The following DNAH17 variants were observed in gnomAD, a reference collection of about 807,000 sequenced individuals.
DNAH17 encodes dynein axonemal heavy chain 17, also known as axonemal beta dynein heavy chain 17.
A neutral mutation model predicts 485.6 loss-of-function variants in DNAH17; 376 were observed. That is an observed-to-expected ratio of 0.77 (90% CI 0.71 to 0.84). The LOEUF (loss-of-function observed/expected upper bound fraction) is 0.84, where lower values mean the gene tolerates loss of function less well. DNAH17 is among the 40% of genes least tolerant of loss of function. The probability of loss-of-function intolerance (pLI) is 0.00; values close to 1 mark genes in which losing one functional copy is unlikely to be tolerated. For synonymous variants in DNAH17, 3,031 were observed against 2,405.9 expected (o/e 1.26, Z -7.60); for missense variants, 6,370 against 5,839.3 (o/e 1.09, Z -2.96).
chr17:78,536,871 G>A (rs1020732055), intron 19 of DNAH17, among the ~76,000 whole-genome samples: 3 of 151,910 alleles, frequency 2.0e-5, no homozygotes, highest in Admixed American at 6.6e-5. Context: ...GAGGTCACAC[G>A]ATGTCATTTA....
intron 72 of DNAH17, among the ~76,000 whole-genome samples, chr17:78,439,762 C>T (rs1268392807): frequency 6.6e-5 from 10 of 151,276 alleles, no homozygotes; most frequent in African/African-American, 9.7e-5. Flanking sequence ...CTCCACCTCC[C>T]GGGTTCAAGT....
rs371244211 is a variant in DNAH17 at position 78,572,741 on chromosome 17, G to A, written c.499C>T (p.His167Tyr). ...KGKTLLPIPE[H>Y]LGSLDGTLES... ...AGCGTGCCATCCAGGCTGCCCAGGT[G>A]CTCCGGAATAGGCAGCAAGGTTTTG... Residue 167 changes from histidine (H) to tyrosine (Y), a missense_variant, in exon 3 of 81, where the codon CAC (histidine) becomes TAC (tyrosine). Physicochemically the swap from His to Tyr is moderately conservative, Grantham distance 83. Coordinates refer to ENST00000389840, the MANE Select transcript of DNAH17 (RefSeq NM_173628.4). 3.7e-5 allele frequency: 60 copies of A among 1,612,008 alleles called. No homozygotes were observed. The East Asian group carries it at 6.0e-4, about 16-fold the overall frequency.
At position 78,539,854 on chromosome 17, in the gene DNAH17, G is replaced by T. The variant is rs746698910; in HGVS notation, c.2559C>A (p.Asp853Glu). 6.2e-7 allele frequency: 1 copy of T among 1,606,496 alleles called. No homozygotes were observed. Among genetic ancestry groups the T allele is most frequent in the African/African-American group, 1.3e-5 (1 of 74,654 alleles). ...VAENAELFRA[D>E]TLSLPWKDYV... ...AATCCTTCCAGGGCAGGCTCAGTGT[G>T]TCTGCCCTGAATAGTTCTGCGTTTT... is the stretch of plus-strand genomic sequence containing the variant. Residue 853 changes from aspartate (D) to glutamate (E), a missense_variant, in exon 18 of 81, where the codon GAC (aspartate) becomes GAA (glutamate). Coordinates refer to ENST00000389840, the MANE Select transcript of DNAH17 (RefSeq NM_173628.4).
chr17:78,484,859 C>A lies in DNAH17; in HGVS notation c.7649+9G>T. ...CCACGCCTTCCCCTCCGGCCCCGCC[C>A]CGTCTAACCAGTGCCGGTGGTCCAT... On this transcript the variant is annotated intron_variant, in intron 48 of 80. Transcript: ENST00000389840. The A allele has an allele frequency of 6.5e-7, 1 of 1,537,596 alleles. No homozygotes were observed. The highest frequency in any genetic ancestry group is 1.2e-5 in the South Asian group (1 of 82,454).
chr17:78,483,417 G>C (rs535360592), intron 48 of DNAH17, among the ~76,000 whole-genome samples: 1 of 152,156 alleles, frequency 6.6e-6, no homozygotes, highest in Non-Finnish European at 1.5e-5. Flanking sequence ...ATCACCTGAG[G>C]TCAGGAGTTA....
chr17:78,513,475 A>G (rs2090691734), intron 26 of DNAH17, among the ~76,000 whole-genome samples: 1 of 152,138 alleles, frequency 6.6e-6, no homozygotes, highest in East Asian at 1.9e-4. Context: ...TCACTCTGTC[A>G]CCCAGGCTAG....
rs368706569 is a variant in DNAH17 at position 78,442,616 on chromosome 17, T to C, written c.11529-1417A>G. 5.3e-5 allele frequency among the ~76,000 whole-genome samples: 8 copies of C among 152,196 alleles called. 1 individual carries two copies. In the East Asian group the frequency reaches 5.8e-4, roughly 11 times the overall value. Reference sequence around the variant, plus strand: ...TCATCGGCTGTGGATGAATTAATGATGCAGAAGCATGCAGGCTGGGTTCGT... The same window carrying C: ...TCATCGGCTGTGGATGAATTAATGACGCAGAAGCATGCAGGCTGGGTTCGT... On this transcript the variant is annotated intron_variant, in intron 71 of 80. Transcript: ENST00000389840.
At position 78,494,829 on chromosome 17, in the gene DNAH17, A is replaced by G. The variant is rs2090006909; in HGVS notation, c.6043-9T>C. ...CCCCAGTCGTAATGATCCTGCGGGCAGTGGGCACAGGTGGGCAGACGTGAG... is the reference window on the plus strand; with the variant it reads ...CCCCAGTCGTAATGATCCTGCGGGCGGTGGGCACAGGTGGGCAGACGTGAG... On this transcript the variant is annotated splice_polypyrimidine_tract_variant and intron_variant, in intron 39 of 80. Transcript: ENST00000389840. 1 of 1,595,540 alleles carries G rather than the reference A, an allele frequency of 6.3e-7. No individual in the cohort carries two copies. The highest frequency in any genetic ancestry group is 1.3e-5 in the African/African-American group (1 of 74,582).
Position 78,423,744 on chromosome 17 carries a change from C to T in DNAH17, c.*162G>A. 2.1e-6 allele frequency: 2 copies of T among 932,354 alleles called. No individual in the cohort carries two copies. The highest frequency in any genetic ancestry group is 3.2e-6 in the Non-Finnish European group (2 of 620,648). The allele number at this position is 932,354 out of a possible 1,614,324, so 57.8% of individuals were successfully genotyped here. A position where few individuals can be genotyped will look rare whatever the true frequency, so the allele number is the denominator to read the frequency against. ...TCTGCCCCACCTCTTCCACACCAAC[C>T]TCCACCCTCTGGTTCCGATGTGCTT... On this transcript the variant is annotated 3_prime_UTR_variant, in exon 81 of 81. Coordinates refer to ENST00000389840, the MANE Select transcript of DNAH17 (RefSeq NM_173628.4).
chr17:78,424,343 C>G (rs534103651), intron 80 of DNAH17, 190 bp from the exon 81 acceptor site: 8 of 642,766 alleles, frequency 1.2e-5, no homozygotes, highest in Non-Finnish European at 1.5e-5. Context: ...GTAACTACCC[C>G]GTCCCGCTGG....
Position 78,461,467 on chromosome 17 carries a change from T to C in DNAH17, c.9339+77A>G, listed in dbSNP as rs555166405. The C allele has an allele frequency of 7.1e-5, 99 of 1,393,732 alleles. 3 individuals are homozygous for C. The South Asian group carries it at 1.5e-3, about 21-fold the overall frequency. The allele number at this position is 1,393,732 out of a possible 1,614,324, so 86.3% of individuals were successfully genotyped here. ...CTTTCCCACGCCTGTCGGTGGCACC[T>C]GACCACACGTGGAAGCCCAGGAGGC... On this transcript the variant is annotated intron_variant, in intron 58 of 80. Coordinates refer to ENST00000389840, the MANE Select transcript of DNAH17 (RefSeq NM_173628.4).
At chr17:78,513,616 A>G (rs2090695676) in intron 26 of DNAH17, among the ~76,000 whole-genome samples, 1 of 152,044 alleles carries the variant, frequency 6.6e-6, no homozygotes, top group Non-Finnish European at 1.5e-5. Flanking sequence ...TTGTATTTTT[A>G]GCAGGGATGG....
At chr17:78,494,537 G>A in intron 40 of DNAH17, 56 bp downstream of exon 40, 1 of 1,557,388 alleles carries the variant, frequency 6.4e-7, no homozygotes, top group Non-Finnish European at 8.8e-7. Context: ...TCAGTGGGAA[G>A]GAAGCCCCAG....
chr17:78,508,555 CA>C (rs1304365266), intron 27 of DNAH17, among the ~76,000 whole-genome samples: 1 of 152,184 alleles, frequency 6.6e-6, no homozygotes, highest in Non-Finnish European at 1.5e-5. Context: ...ATGGAATTCT[CA>C]GACCCAGCTG....
chr17:78,547,209 T>C (rs545146937), intron 16 of DNAH17, among the ~76,000 whole-genome samples: 2 of 152,332 alleles, frequency 1.3e-5, no homozygotes, highest in East Asian at 3.9e-4. Context: ...TAGAATGTGG[T>C]TGACCTCTTG....
chr17:78,505,431 C>A lies in DNAH17; in HGVS notation c.4818G>T (p.Leu1606=). 1 of 1,613,944 alleles carries A rather than the reference C, an allele frequency of 6.2e-7. No homozygotes were observed. The highest frequency in any genetic ancestry group is 8.5e-7 in the Non-Finnish European group (1 of 1,179,882). ...GNDPVEVSRH[L]SKLFDSLCKL... ...TACACAGGCTATCGAAGAGTTTGGACAGGTGGCGGCTCACCTGGGAGGAGG... is the reference window on the plus strand; with the variant it reads ...TACACAGGCTATCGAAGAGTTTGGAAAGGTGGCGGCTCACCTGGGAGGAGG... Residue 1606 remains leucine (L), a synonymous_variant, in exon 31 of 81, where the codon CTG becomes CTT. Coordinates refer to ENST00000389840, the MANE Select transcript of DNAH17 (RefSeq NM_173628.4).
At position 78,542,187 on chromosome 17, in the gene DNAH17, G is replaced by A. The variant is rs545251400; in HGVS notation, c.2532+1670C>T. Among the ~76,000 whole-genome samples the A allele has an allele frequency of 5.0e-4, 71 of 140,600 alleles. 1 individual carries two copies. The highest frequency in any genetic ancestry group is 4.2e-3 in the Middle Eastern group (1 of 240). 92.2% of individuals were successfully genotyped at this position (140,600 alleles called of 152,430 possible). A position where few individuals can be genotyped will look rare whatever the true frequency, so the allele number is the denominator to read the frequency against. On this transcript the variant is annotated intron_variant, in intron 17 of 80. Coordinates refer to ENST00000389840, the MANE Select transcript of DNAH17 (RefSeq NM_173628.4). Reference sequence around the variant, plus strand: ...TCTGAGGTGGAGTCTCACTCTTGTCGCCCAGGCTGGAATGCAGTGGTGCAA... The same window carrying A: ...TCTGAGGTGGAGTCTCACTCTTGTCACCCAGGCTGGAATGCAGTGGTGCAA...
intron 30 of DNAH17, among the ~76,000 whole-genome samples, chr17:78,506,493 CT>C (rs2090488141): frequency 6.6e-6 from 1 of 152,164 alleles, no homozygotes. Flanking sequence ...GGCAAATTAA[CT>C]TCTCAAAAGC....
rs868637875 is a variant in DNAH17, at chr17:78,484,873, C to A, written c.7644G>T (p.Arg2548=). 3.2e-6 allele frequency: 5 copies of A among 1,560,554 alleles called. No individual in the cohort carries two copies. The highest frequency in any genetic ancestry group is 1.7e-4 in the Middle Eastern group (1 of 5,972). The change falls in exon 48 of 81, where the codon CGG becomes CGT. Residue 2548 remains arginine (R), a synonymous_variant. Coordinates refer to ENST00000389840, the MANE Select transcript of DNAH17 (RefSeq NM_173628.4). ...HTLIRQHMDH[R]HWYDRHKLTL... ...CCGGCCCCGCCCCGTCTAACCAGTG[C>A]CGGTGGTCCATGTGCTGCCGGATGA...
Sources: allele counts gnomAD v4.1 joint callset (sites outside exome capture counted in the v4.1 genomes callset), GRCh38; gene constraint gnomAD v4.1.1; transcripts MANE v1.5; gene names NCBI Gene and HGNC (gene_info 2026-07-23, HGNC 2026-07-21).